Variants in ARHGAP22 observed in about 807,000 individuals in gnomAD.
ARHGAP22 encodes Rho GTPase activating protein 22, also known as rho GTPase-activating protein 22.
A neutral mutation model predicts 59.1 loss-of-function variants in ARHGAP22; 48 were observed. The ratio of observed to expected loss-of-function variants is 0.81; its 90% CI spans 0.64 to 1.03. The LOEUF (loss-of-function observed/expected upper bound fraction) is 1.03. Ranked by LOEUF, ARHGAP22 falls within the 50% of genes least tolerant of loss-of-function variation. The pLI is 0.00. For missense variants in ARHGAP22, 1,015 were observed against 958.7 expected, an observed-to-expected ratio of 1.06 and a Z score of -0.78; for synonymous variants, 445 against 416.4, an observed-to-expected ratio of 1.07 and a Z score of -0.84.
At chr10:48,459,170 G>A (rs199644889) in intron 5 of ARHGAP22, among the ~76,000 whole-genome samples, 27 of 106,700 alleles carry the variant, frequency 2.5e-4, no homozygotes, top group Admixed American at 1.8e-3. Flanking sequence ...CCAGGGCCTG[G>A]GTAAGCCCCC....
chr10:48,555,658 C>T (rs2135324882), intron 2 of ARHGAP22, 108 bp from the exon 3 acceptor site: 1 of 1,068,454 alleles, frequency 9.4e-7, no homozygotes, highest in Non-Finnish European at 1.4e-6. Flanking sequence ...CCCTCCAGGC[C>T]ATGGCTGGGA....
At chr10:48,443,606 T>C (rs2133465426), downstream of ARHGAP22, among the ~76,000 whole-genome samples, 1 of 152,014 alleles carries the variant, frequency 6.6e-6, no homozygotes, top group South Asian at 2.1e-4. Context: ...GCTGCTTAGC[T>C]AGGAACTCAA....
chr10:48,483,571 T>C (rs2049547596), intron 3 of ARHGAP22, among the ~76,000 whole-genome samples: 1 of 92,520 alleles, frequency 1.1e-5, no homozygotes, highest in African/African-American at 6.8e-5. Context: ...CCAGTGTCTA[T>C]TTTTTTTGTG....
chr10:48,644,398 A>G (rs916769957), intron 1 of ARHGAP22, among the ~76,000 whole-genome samples: 1 of 152,240 alleles, frequency 6.6e-6, no homozygotes, highest in Non-Finnish European at 1.5e-5. Flanking sequence ...CAGCAACTAT[A>G]TAGAAGTCTT....
the ARHGAP22 span, among the ~76,000 whole-genome samples, chr10:48,440,564 A>G: frequency 6.6e-6 from 1 of 152,166 alleles, no homozygotes; most frequent in Non-Finnish European, 1.5e-5. Context: ...AGGAAAGGCA[A>G]GCAGATTTAA....
chr10:48,585,117 G>T (rs1454332409), intron 1 of ARHGAP22, among the ~76,000 whole-genome samples: 1 of 152,166 alleles, frequency 6.6e-6, no homozygotes, highest in Non-Finnish European at 1.5e-5. Context: ...CATGTCCAGG[G>T]TCCAGGGACT....
chr10:48,482,715 A>C (rs936660042), intron 3 of ARHGAP22, among the ~76,000 whole-genome samples: 1 of 152,174 alleles, frequency 6.6e-6, no homozygotes, highest in African/African-American at 2.4e-5. Context: ...TTACATGCAT[A>C]GAGTGTGTAA....
At chr10:48,441,714 A>G (rs1331846680), downstream of ARHGAP22, among the ~76,000 whole-genome samples, 3 of 152,114 alleles carry the variant, frequency 2.0e-5, no homozygotes, top group Non-Finnish European at 4.4e-5. Context: ...AGCCTCCCAA[A>G]GTGCTGGGAT....
Position 48,446,502 on chromosome 10 carries a change from C to G in ARHGAP22, c.1986G>C (p.Ala662=). ...LEIKLRNSER[A]REDAERRNQL... ...GGTTCCTCCTCTCCGCATCCTCCCG[C>G]GCCCGTTCAGAGTTCCGCAGCTTTA... Residue 662 remains alanine, a synonymous_variant, in exon 10 of 10, where the codon GCG becomes GCC. Coordinates refer to ENST00000249601, the MANE Select transcript of ARHGAP22 (RefSeq NM_021226.4). 1 of 1,614,202 alleles carries G rather than the reference C, an allele frequency of 6.2e-7. No homozygotes were observed. The highest frequency in any genetic ancestry group is 8.5e-7 in the Non-Finnish European group (1 of 1,180,034).
chr10:48,600,411 G>A (rs1396825003), intron 1 of ARHGAP22, among the ~76,000 whole-genome samples: 1 of 152,132 alleles, frequency 6.6e-6, no homozygotes, highest in Non-Finnish European at 1.5e-5. Flanking sequence ...TGGGCTTAAG[G>A]AAAATGCTTT....
At chr10:48,644,007 C>T (rs894929304) in intron 1 of ARHGAP22, among the ~76,000 whole-genome samples, 4 of 151,982 alleles carry the variant, frequency 2.6e-5, no homozygotes, top group South Asian at 2.1e-4. Flanking sequence ...ATTAGCTGGG[C>T]GTGGTGGCAC....
intron 3 of ARHGAP22, among the ~76,000 whole-genome samples, chr10:48,480,642 G>A (rs2049208855): frequency 6.6e-6 from 1 of 152,196 alleles, no homozygotes; most frequent in Non-Finnish European, 1.5e-5. Flanking sequence ...AGCGCTTACT[G>A]AGCACCTGGT....
chr10:48,629,621 T>A (rs1310956944), intron 1 of ARHGAP22, among the ~76,000 whole-genome samples: 3 of 152,228 alleles, frequency 2.0e-5, no homozygotes, highest in African/African-American at 7.2e-5. Context: ...CATGTTTATT[T>A]TAGAGTAAGT....
At chr10:48,626,674 G>T (rs922652611) in intron 1 of ARHGAP22, among the ~76,000 whole-genome samples, 1 of 152,176 alleles carries the variant, frequency 6.6e-6, no homozygotes, top group African/African-American at 2.4e-5. Flanking sequence ...AGAGCCGCCT[G>T]TCCCCAGGAC....
At chr10:48,501,356 T>C (rs554690827) in intron 3 of ARHGAP22, among the ~76,000 whole-genome samples, 1 of 152,252 alleles carries the variant, frequency 6.6e-6, no homozygotes, top group East Asian at 1.9e-4. Context: ...AAGTGACAGG[T>C]GAAATGAGCC....
rs1338062238 is a variant in ARHGAP22 at position 48,588,030 on chromosome 10, C to T, written c.35-4878G>A. Among the ~76,000 whole-genome samples, 8 of 152,252 alleles carry T rather than the reference C, an allele frequency of 5.3e-5. 1 individual carries two copies. The highest frequency in any genetic ancestry group is 5.2e-4 in the Admixed American group (8 of 15,284). On this transcript the variant is annotated intron_variant, in intron 1 of 9. Coordinates refer to ENST00000249601, the MANE Select transcript of ARHGAP22 (RefSeq NM_021226.4). ...GAGCCTGGCTGAGAGCAGGATCTTG[C>T]ACAATCAATACATGGCTGACTGTGG... is the stretch of plus-strand genomic sequence containing the variant.
At position 48,640,602 on chromosome 10, in the gene ARHGAP22, T is replaced by C. The variant is rs1028643827; in HGVS notation, c.52+11632A>G. ...GTGTTGAAAGAAAAATACAAACTGT[T>C]AATTAAGAATTCTATATCAAAAAAT... On this transcript the variant is annotated intron_variant, in intron 1 of 9. Coordinates refer to the ARHGAP22 transcript ENST00000435790. Among the ~76,000 whole-genome samples the C allele has an allele frequency of 3.9e-5, 6 of 152,270 alleles. 1 individual carries two copies. The South Asian group carries it at 1.2e-3, about 32-fold the overall frequency.
the ARHGAP22 span, among the ~76,000 whole-genome samples, chr10:48,433,148 T>C: frequency 1.3e-5 from 2 of 152,222 alleles, no homozygotes; most frequent in African/African-American, 4.8e-5. Context: ...ATTATTACCA[T>C]TCAGATATTT....
At chr10:48,482,146 A>G (rs1328612902) in intron 3 of ARHGAP22, among the ~76,000 whole-genome samples, 1 of 152,072 alleles carries the variant, frequency 6.6e-6, no homozygotes, top group Non-Finnish European at 1.5e-5. Context: ...TCGTTTATTG[A>G]GTGTGCTTCC....
Sources: allele counts gnomAD v4.1 joint callset (sites outside exome capture counted in the v4.1 genomes callset), GRCh38; gene constraint gnomAD v4.1.1; transcripts MANE v1.5; gene names NCBI Gene and HGNC (gene_info 2026-07-23, HGNC 2026-07-21).